KIF6: variants seen among roughly 807,000 people sequenced by gnomAD.
KIF6 encodes kinesin family member 6.
Under a neutral mutation model 112.7 loss-of-function variants are expected in KIF6, and 106 were observed. The observed-to-expected ratio is 0.94, with a 90% CI of 0.80 to 1.11. KIF6 has a LOEUF of 1.11. Among genes scored for constraint, KIF6 ranks in the 50% least tolerant of loss-of-function variants. The pLI is 0.00. For synonymous variants in KIF6, 339 were observed against 339.9 expected, an observed-to-expected ratio of 1.00 and a Z score of 0.03; for missense variants, 929 against 964.0, an observed-to-expected ratio of 0.96 and a Z score of 0.48.
chr6:39,379,904 T>C (rs1183503907), intron 16 of KIF6, among the ~76,000 whole-genome samples: 1 of 152,230 alleles, frequency 6.6e-6, no homozygotes, highest in Non-Finnish European at 1.5e-5. Context: ...TTAACCCCTT[T>C]GGGCCTTAAA....
At chr6:39,465,564 A>G (rs979568678) in intron 13 of KIF6, among the ~76,000 whole-genome samples, 1 of 151,988 alleles carries the variant, frequency 6.6e-6, no homozygotes, top group African/African-American at 2.4e-5. Flanking sequence ...ATACCTTCCT[A>G]TTTGTCTCCC....
chr6:39,628,781 A>G (rs1282116280), intron 5 of KIF6, among the ~76,000 whole-genome samples: 1 of 152,088 alleles, frequency 6.6e-6, no homozygotes, highest in Non-Finnish European at 1.5e-5. Context: ...TTACAGTATC[A>G]TATAGAACAG....
At chr6:39,431,185 G>A in intron 13 of KIF6, 24 bp from the exon 14 acceptor site, 1 of 1,348,184 alleles carries the variant, frequency 7.4e-7, no homozygotes, top group Non-Finnish European at 1.1e-6. Flanking sequence ...CAGGGAAATG[G>A]CCTCAGTCAC....
At chr6:39,518,022 G>A (rs868686864) in intron 13 of KIF6, among the ~76,000 whole-genome samples, 1 of 152,178 alleles carries the variant, frequency 6.6e-6, no homozygotes, top group African/African-American at 2.4e-5. Flanking sequence ...AGATCATAAA[G>A]GGCAAGATAA....
chr6:39,584,972 T>C lies in KIF6; in HGVS notation c.1003A>G (p.Thr335Ala), dbSNP rs1358833652. Residue 335 changes from threonine to alanine, a missense_variant, in exon 9 of 23, where the codon ACC becomes GCC. Around this residue, in one of 2 missense-constraint regions of KIF6, gnomAD observed 688 missense variants for 662.7 expected, o/e 1.04. Transcript: ENST00000287152. ...EKRNLDESIS[T>A]CRFAQRVALI... The stretch of plus-strand genomic sequence containing the variant: ...GCCACTCGCTGTGCAAATCTGCAGG[T>C]TGATATAGACTCCTAAGAAAGCAAA... The C allele has an allele frequency of 3.7e-6, 6 of 1,604,888 alleles. No homozygotes were observed. The highest frequency in any genetic ancestry group is 5.1e-6 in the Non-Finnish European group (6 of 1,172,072).
At chr6:39,678,370 AGT>A (rs1787305254) in intron 3 of KIF6, among the ~76,000 whole-genome samples, 1 of 152,176 alleles carries the variant, frequency 6.6e-6, no homozygotes, top group Non-Finnish European at 1.5e-5. Context: ...TCAGGTGGAG[AGT>A]TTGGTCAAAT....
chr6:39,530,790 T>G (rs1778008060), intron 13 of KIF6, among the ~76,000 whole-genome samples: 1 of 152,208 alleles, frequency 6.6e-6, no homozygotes, highest in Non-Finnish European at 1.5e-5. Context: ...CTAGGGACAG[T>G]TAATAGAAAC....
chr6:39,500,669 C>T (rs369480849), intron 13 of KIF6, among the ~76,000 whole-genome samples: 20 of 152,202 alleles, frequency 1.3e-4, no homozygotes, highest in East Asian at 5.8e-4. Context: ...GAAGGTTAAA[C>T]GGTAATGTAA....
intron 3 of KIF6, among the ~76,000 whole-genome samples, chr6:39,680,048 G>T (rs762051722): frequency 6.6e-6 from 1 of 151,926 alleles, no homozygotes; most frequent in African/African-American, 2.4e-5. Context: ...TCATGCTGTT[G>T]CCCAGGCTGG....
chr6:39,582,415 G>A (rs190576898), intron 9 of KIF6, among the ~76,000 whole-genome samples: 22 of 151,862 alleles, frequency 1.4e-4, no homozygotes, highest in Non-Finnish European at 3.2e-4. Flanking sequence ...GTTTGGTTTG[G>A]TTTGGCTTTT....
chr6:39,369,730 C>A (rs1176946314), intron 16 of KIF6, among the ~76,000 whole-genome samples: 4 of 152,132 alleles, frequency 2.6e-5, no homozygotes, highest in African/African-American at 4.8e-5. Flanking sequence ...ATAAAGGAGA[C>A]CCTAGGGCCA....
chr6:39,639,237 T>A (rs1784784402), intron 4 of KIF6, among the ~76,000 whole-genome samples: 1 of 152,136 alleles, frequency 6.6e-6, no homozygotes. Flanking sequence ...ACAATTATAC[T>A]ATCCTGTTTA....
At chr6:39,722,933 T>G (rs1054877727) in intron 1 of KIF6, among the ~76,000 whole-genome samples, 1 of 152,108 alleles carries the variant, frequency 6.6e-6, no homozygotes, top group African/African-American at 2.4e-5. Context: ...AACACTGCAT[T>G]TTAAGAGAAA....
intron 13 of KIF6, among the ~76,000 whole-genome samples, chr6:39,466,665 C>G (rs1773805139): frequency 6.6e-6 from 1 of 152,060 alleles, no homozygotes. Flanking sequence ...CCCTAGCTCC[C>G]AGTCTAAGGT....
chr6:39,669,622 G>T (rs376106515), intron 3 of KIF6, among the ~76,000 whole-genome samples: 1 of 152,070 alleles, frequency 6.6e-6, no homozygotes, highest in African/African-American at 2.4e-5. Flanking sequence ...TTTTTCTGTC[G>T]TCTGACTTCT....
intron 6 of KIF6, among the ~76,000 whole-genome samples, chr6:39,612,517 A>G (rs1338561430): frequency 6.6e-6 from 1 of 152,300 alleles, no homozygotes; most frequent in East Asian, 1.9e-4. Flanking sequence ...TAGCTCCTAT[A>G]TAGAATTCTC....
chr6:39,489,040 A>G (rs116583652), intron 13 of KIF6, among the ~76,000 whole-genome samples: 4,281 of 152,244 alleles, frequency 0.028, 205 homozygotes, highest in African/African-American at 0.097. Context: ...CTTGACATCA[A>G]TTTTAAGTTC....
chr6:39,522,907 T>C (rs533267605), intron 13 of KIF6, among the ~76,000 whole-genome samples: 6 of 152,310 alleles, frequency 3.9e-5, no homozygotes, highest in African/African-American at 1.2e-4. Flanking sequence ...AAACTATAAC[T>C]GAGGCAGTTT....
In KIF6 at chr6:39,613,247, G is replaced by A; in HGVS notation, c.581C>T (p.Thr194Ile). ...AAGCAAATTCAGAGCTTCTTCCTCT[G>A]TGGTTGCCTGATGGAGAGTCAAGTT... ...LKNLTLHQAT[T>I]EEEALNLLFL... is the part of the protein sequence containing the mutation. Residue 194 changes from threonine (T) to isoleucine (I), a missense_variant, in exon 6 of 23, where the codon ACA becomes ATA. Thr to Ile is a moderately conservative substitution (Grantham distance 89). Around this residue, in one of 2 missense-constraint regions of KIF6, gnomAD observed 688 missense variants for 662.7 expected, o/e 1.04. Coordinates refer to ENST00000287152, the MANE Select transcript of KIF6 (RefSeq NM_145027.6). The A allele has an allele frequency of 6.2e-7, 1 of 1,606,756 alleles. No homozygotes were observed.
Sources: gnomAD v4.1 joint callset for allele counts (sites outside exome capture counted in the v4.1 genomes callset) on GRCh38, gnomAD v4.1.1 for gene constraint, gnomAD v4.1.1 regional missense constraint, MANE v1.5 for transcripts, NCBI Gene and HGNC (gene_info 2026-07-23, HGNC 2026-07-21) for gene names.